MEGF10: variants seen among roughly 807,000 people sequenced by gnomAD.
The protein encoded by MEGF10 is multiple EGF like domains 10, also known as multiple epidermal growth factor-like domains protein 10.
A neutral mutation model predicts 147.5 loss-of-function variants in MEGF10; 86 were observed. The ratio of observed to expected loss-of-function variants is 0.58; its 90% CI spans 0.49 to 0.70. The LOEUF is 0.70. MEGF10 is among the 30% of genes least tolerant of loss of function. The pLI is 0.00. For synonymous variants in MEGF10, 478 were observed against 525.5 expected, an observed-to-expected ratio of 0.91 and a Z score of 1.24; for missense variants, 1,329 against 1,487.3, an observed-to-expected ratio of 0.89 and a Z score of 1.75.
At chr5:127,361,180 T>A (rs1046643919) in intron 4 of MEGF10, among the ~76,000 whole-genome samples, 2 of 151,860 alleles carry the variant, frequency 1.3e-5, no homozygotes, top group African/African-American at 2.4e-5. Flanking sequence ...GAATTGGAGG[T>A]TTTTTAAAAT....
chr5:127,435,565 G>A (rs1000549941), intron 16 of MEGF10, 76 bp downstream of exon 16: 1 of 1,372,822 alleles, frequency 7.3e-7, no homozygotes, highest in African/African-American at 1.5e-5. Context: ...TGAAGTATGA[G>A]TGTTTTTATA....
chr5:127,387,612 T>G (rs1763481460), intron 5 of MEGF10, among the ~76,000 whole-genome samples: 1 of 152,234 alleles, frequency 6.6e-6, no homozygotes, highest in South Asian at 2.1e-4. Context: ...AAGGGATGAT[T>G]GCAGCTTTGG....
Position 127,347,225 on chromosome 5 carries a change from A to G in MEGF10, c.319+6595A>G, listed in dbSNP as rs190132122. On this transcript the variant is annotated intron_variant, in intron 4 of 24. Coordinates refer to ENST00000503335, the MANE Select transcript of MEGF10 (RefSeq NM_001256545.2). ...AGTTGTAATATATGTGTGTGTGTACATATACATATGTGTACTTGTATATAT... is the reference window on the plus strand; with the variant it reads ...AGTTGTAATATATGTGTGTGTGTACGTATACATATGTGTACTTGTATATAT... 5.6e-3 allele frequency among the ~76,000 whole-genome samples: 851 copies of G among 152,184 alleles called. 4 individuals carry two copies. The highest frequency in any genetic ancestry group is 8.8e-3 in the Non-Finnish European group (595 of 67,960).
At chr5:127,406,920 C>A (rs2126944028) in intron 8 of MEGF10, among the ~76,000 whole-genome samples, 1 of 152,244 alleles carries the variant, frequency 6.6e-6, no homozygotes, top group East Asian at 1.9e-4. Context: ...CTATTAGGGG[C>A]CCATGCACAT....
chr5:127,451,726 A>T (rs533611249), intron 22 of MEGF10, among the ~76,000 whole-genome samples: 1 of 152,336 alleles, frequency 6.6e-6, no homozygotes, highest in East Asian at 1.9e-4. Context: ...ACTGAGTGTT[A>T]GGAACCTAGG....
the MEGF10 span, among the ~76,000 whole-genome samples, chr5:127,279,250 G>T: frequency 3.9e-5 from 6 of 152,106 alleles, no homozygotes; most frequent in Non-Finnish European, 8.8e-5. Context: ...TATTTGAGTT[G>T]GTGCTCCAGA....
chr5:127,343,416 T>C (rs970846228), intron 4 of MEGF10, among the ~76,000 whole-genome samples: 3 of 152,002 alleles, frequency 2.0e-5, no homozygotes, highest in African/African-American at 7.2e-5. Flanking sequence ...GACCCCACTG[T>C]AGATGGTCAT....
At chr5:127,345,562 C>A (rs76722411) in intron 4 of MEGF10, among the ~76,000 whole-genome samples, 1 of 152,060 alleles carries the variant, frequency 6.6e-6, no homozygotes, top group Non-Finnish European at 1.5e-5. Flanking sequence ...AGGAAGAAAT[C>A]TGTGATTCCT....
chr5:127,381,439 T>A (rs1763259298), intron 5 of MEGF10, among the ~76,000 whole-genome samples: 1 of 152,238 alleles, frequency 6.6e-6, no homozygotes, highest in African/African-American at 2.4e-5. Context: ...CAAACCATTT[T>A]CTGACTGTAC....
At chr5:127,286,789 G>A (rs777697010), upstream of MEGF10, among the ~76,000 whole-genome samples, 3 of 151,832 alleles carry the variant, frequency 2.0e-5, no homozygotes, top group Non-Finnish European at 4.4e-5. Context: ...TGAAACTAAA[G>A]CCTGATCCTT....
chr5:127,299,183 G>C (rs755776208), intron 1 of MEGF10, among the ~76,000 whole-genome samples: 3 of 152,136 alleles, frequency 2.0e-5, no homozygotes, highest in Non-Finnish European at 4.4e-5. Flanking sequence ...AAGCCTCCCT[G>C]TGTCCCCAGG....
intron 1 of MEGF10, among the ~76,000 whole-genome samples, chr5:127,315,619 C>G (rs1325033956): frequency 6.6e-6 from 1 of 151,946 alleles, no homozygotes; most frequent in Admixed American, 6.6e-5. Flanking sequence ...TACAAAAATA[C>G]AAAAATTAGC....
At chr5:127,302,704 T>C (rs1759826215) in intron 1 of MEGF10, among the ~76,000 whole-genome samples, 1 of 152,218 alleles carries the variant, frequency 6.6e-6, no homozygotes, top group Admixed American at 6.5e-5. Flanking sequence ...ACGTGTGTGC[T>C]ATGAGGCAAG....
chr5:127,306,824 A>G (rs772933305), intron 1 of MEGF10, among the ~76,000 whole-genome samples: 9 of 152,194 alleles, frequency 5.9e-5, no homozygotes, highest in Non-Finnish European at 8.8e-5. Context: ...TTCAAGTTTT[A>G]TCTTAAAGGT....
chr5:127,271,149 C>T, the MEGF10 span, among the ~76,000 whole-genome samples: 294 of 152,290 alleles, frequency 1.9e-3, 1 homozygote, highest in Middle Eastern at 6.8e-3. Context: ...CTATCTTCCA[C>T]AATGGTTGAA....
intron 5 of MEGF10, among the ~76,000 whole-genome samples, chr5:127,374,501 A>T (rs1762955427): frequency 6.9e-6 from 1 of 144,298 alleles, no homozygotes; most frequent in Admixed American, 6.7e-5. Context: ...ACATGTTTGC[A>T]TTCCTATACA....
chr5:127,282,455 T>C, the MEGF10 span, among the ~76,000 whole-genome samples: 1 of 152,228 alleles, frequency 6.6e-6, no homozygotes, highest in Non-Finnish European at 1.5e-5. Flanking sequence ...TGATTTACTC[T>C]CTGAGACTAT....
In MEGF10 at chr5:127,457,462, G is replaced by A. The variant is rs1766408510; in HGVS notation, c.*144G>A. On this transcript the variant is annotated 3_prime_UTR_variant, in exon 25 of 25. Coordinates refer to ENST00000503335, the MANE Select transcript of MEGF10 (RefSeq NM_001256545.2). ...GACATGAACCAGAAAGCTGAAAGCTGAGGCTGACACGGACTGTAGGTGCTT... is the reference window on the plus strand; with the variant it reads ...GACATGAACCAGAAAGCTGAAAGCTAAGGCTGACACGGACTGTAGGTGCTT... 2.3e-6 allele frequency: 2 copies of A among 855,566 alleles called. No individual in the cohort carries two copies. The highest frequency in any genetic ancestry group is 1.8e-5 in the South Asian group (1 of 55,284). 53.0% of individuals were successfully genotyped at this position (855,566 alleles called of 1,614,324 possible). A position where few individuals can be genotyped will look rare whatever the true frequency, so the allele number is the denominator to read the frequency against.
chr5:127,283,346 A>T, the MEGF10 span, among the ~76,000 whole-genome samples: 4 of 152,194 alleles, frequency 2.6e-5, no homozygotes, highest in Non-Finnish European at 5.9e-5. Flanking sequence ...TTGAAATTTT[A>T]AAAAAAGCAA....
Sources: gnomAD v4.1 joint callset for allele counts (sites outside exome capture counted in the v4.1 genomes callset) on GRCh38, gnomAD v4.1.1 for gene constraint, MANE v1.5 for transcripts, NCBI Gene and HGNC (gene_info 2026-07-23, HGNC 2026-07-21) for gene names.